Variants in SLC9A9 observed in about 807,000 individuals in gnomAD.
The protein encoded by SLC9A9 is sodium/hydrogen exchanger 9.
In SLC9A9, 62 loss-of-function variants were observed where a neutral mutation model predicts 77.8. That is an observed-to-expected ratio of 0.80 (90% CI 0.65 to 0.98). SLC9A9 has a LOEUF of 0.98. Ranked by LOEUF, SLC9A9 falls within the 50% of genes least tolerant of loss-of-function variation. The pLI is 0.00. For synonymous variants in SLC9A9, 320 were observed against 283.5 expected (o/e 1.13, Z -1.29); for missense variants, 775 against 774.9 (o/e 1.00, Z 0.00).
chr3:143,614,168 T>C (rs1245924336), intron 6 of SLC9A9, among the ~76,000 whole-genome samples: 1 of 152,272 alleles, frequency 6.6e-6, no homozygotes, highest in Non-Finnish European at 1.5e-5. Flanking sequence ...AGGCAGGCAA[T>C]AAGGGTACCA....
In SLC9A9 at chr3:143,552,483, AT is replaced by A. The variant is rs750069231; in HGVS notation, c.1001-34del. 1.9e-6 allele frequency: 3 copies of A among 1,590,736 alleles called. No homozygotes were observed. In the South Asian group the frequency reaches 3.3e-5, roughly 18 times the overall value. On this transcript the variant is annotated intron_variant, in intron 8 of 15. Coordinates refer to ENST00000316549, the MANE Select transcript of SLC9A9 (RefSeq NM_173653.4). ...TAAAAAAACAGATCAGTCAAAACCA[AT>A]TTTTCTTTTCCATCCAAGTCAAAGG...
At chr3:143,737,440 T>A (rs1473181610) in intron 4 of SLC9A9, among the ~76,000 whole-genome samples, 1 of 149,700 alleles carries the variant, frequency 6.7e-6, no homozygotes, top group African/African-American at 2.5e-5. Context: ...CAGAATTCAC[T>A]CAATACCTAA....
chr3:143,294,987 T>A (rs2030184049), intron 14 of SLC9A9, among the ~76,000 whole-genome samples: 1 of 152,224 alleles, frequency 6.6e-6, no homozygotes, highest in South Asian at 2.1e-4. Context: ...TCCTAAATGA[T>A]CTTATTTAAT....
At chr3:143,682,576 CTT>C (rs34836247) in intron 5 of SLC9A9, among the ~76,000 whole-genome samples, 67,645 of 151,734 alleles carry the variant, frequency 0.45, 15,358 homozygotes, top group Non-Finnish European at 0.5. Flanking sequence ...TTATAACAAA[CTT>C]AGTGGCTTAA....
chr3:143,659,611 T>G (rs1372018647), intron 5 of SLC9A9, among the ~76,000 whole-genome samples: 1 of 152,254 alleles, frequency 6.6e-6, no homozygotes, highest in East Asian at 1.9e-4. Flanking sequence ...ACTGGGCCTG[T>G]GTGAGATACA....
intron 12 of SLC9A9, among the ~76,000 whole-genome samples, chr3:143,398,243 C>A (rs534752696): frequency 6.6e-6 from 1 of 152,294 alleles, no homozygotes; most frequent in South Asian, 2.1e-4. Context: ...GGATAAAGCT[C>A]TTCATTCCTT....
chr3:143,368,821 G>A lies in SLC9A9; in HGVS notation c.1525-5258C>T, dbSNP rs1246805601. Among the ~76,000 whole-genome samples, 7 of 152,300 alleles carry A rather than the reference G, an allele frequency of 4.6e-5. No homozygotes were observed. In the East Asian group the frequency reaches 1.3e-3, roughly 29 times the overall value. On this transcript the variant is annotated intron_variant, in intron 13 of 15. Transcript: ENST00000316549. ...GGATCAGATTCCATGCTTCTAAAGA[G>A]AAAGAATTCTGGGTTCTGAAGAGGG...
At chr3:143,755,298 T>C (rs766743269) in intron 4 of SLC9A9, among the ~76,000 whole-genome samples, 3 of 101,818 alleles carry the variant, frequency 2.9e-5, no homozygotes, top group South Asian at 3.0e-4. Flanking sequence ...GTTGAACATA[T>C]TTGGATCTAC....
At chr3:143,473,591 C>T (rs838626) in intron 11 of SLC9A9, among the ~76,000 whole-genome samples, 79,164 of 151,966 alleles carry the variant, frequency 0.52, 21,114 homozygotes, top group Non-Finnish European at 0.58. Context: ...ATGAAGTTTT[C>T]CTGGAATACT....
intron 9 of SLC9A9, among the ~76,000 whole-genome samples, chr3:143,537,497 C>G (rs1424551095): frequency 2.0e-5 from 3 of 152,238 alleles, no homozygotes; most frequent in African/African-American, 7.2e-5. Flanking sequence ...TCAGGACTGC[C>G]TCACTCCTTA....
At chr3:143,321,379 T>C (rs186873438) in intron 14 of SLC9A9, among the ~76,000 whole-genome samples, 8 of 152,336 alleles carry the variant, frequency 5.3e-5, no homozygotes, top group African/African-American at 1.9e-4. Context: ...GGTAGAATTA[T>C]TGAAGCTTCC....
At chr3:143,795,577 A>G (rs2008362750) in intron 3 of SLC9A9, among the ~76,000 whole-genome samples, 2 of 152,280 alleles carry the variant, frequency 1.3e-5, no homozygotes, top group African/African-American at 4.8e-5. Context: ...AACTTTAAAA[A>G]TCTACAACAG....
chr3:143,288,862 C>T (rs949406153), intron 14 of SLC9A9, among the ~76,000 whole-genome samples: 3 of 152,266 alleles, frequency 2.0e-5, no homozygotes, highest in African/African-American at 7.2e-5. Context: ...CTGGAAGATC[C>T]AAGGACTATC....
intron 13 of SLC9A9, among the ~76,000 whole-genome samples, chr3:143,370,565 G>GCACACACACA (rs1400523794): frequency 2.1e-3 from 82 of 38,398 alleles, no homozygotes; most frequent in Admixed American, 2.9e-3. Flanking sequence ...ATGCATGTGC[G>GCACACACACA]CGCACACACA....
intron 8 of SLC9A9, among the ~76,000 whole-genome samples, chr3:143,559,269 A>ACCCC: frequency 6.6e-6 from 1 of 152,326 alleles, no homozygotes; most frequent in South Asian, 2.1e-4. Flanking sequence ...TGGAGAGAGA[A>ACCCC]ATATGTTAGA....
chr3:143,344,662 A>G (rs2032207408), intron 14 of SLC9A9: 1 of 152,198 alleles, frequency 6.6e-6, no homozygotes, highest in African/African-American at 2.4e-5. Flanking sequence ...TATCTGTCTC[A>G]GCTGTGTGTA....
At chr3:143,368,083 G>C (rs1013319786) in intron 13 of SLC9A9, among the ~76,000 whole-genome samples, 1 of 152,038 alleles carries the variant, frequency 6.6e-6, no homozygotes, top group East Asian at 1.9e-4. Context: ...GGATTTTCTG[G>C]CTCTTTTATT....
At chr3:143,661,887 G>A (rs2038984066) in intron 5 of SLC9A9, among the ~76,000 whole-genome samples, 1 of 150,922 alleles carries the variant, frequency 6.6e-6, no homozygotes, top group South Asian at 2.1e-4. Flanking sequence ...TGTTGGAGTT[G>A]TTCTACTTGA....
At chr3:143,486,719 G>A (rs2035658154) in intron 11 of SLC9A9, among the ~76,000 whole-genome samples, 1 of 151,978 alleles carries the variant, frequency 6.6e-6, no homozygotes, top group Non-Finnish European at 1.5e-5. Flanking sequence ...AAATTAGAAT[G>A]TTACAGCTTT....
Sources: allele counts gnomAD v4.1 joint callset (sites outside exome capture counted in the v4.1 genomes callset), GRCh38; gene constraint gnomAD v4.1.1; transcripts MANE v1.5; gene names NCBI Gene and HGNC (gene_info 2026-07-23, HGNC 2026-07-21).